The following POLA1 variants were observed in gnomAD, a reference collection of about 807,000 sequenced individuals.
POLA1 encodes DNA polymerase alpha 1, catalytic subunit.
In POLA1, 15 loss-of-function variants were observed where a neutral mutation model predicts 124.0. The ratio of observed to expected loss-of-function variants is 0.12; its 90% CI spans 0.08 to 0.19. The LOEUF (loss-of-function observed/expected upper bound fraction) is 0.19, where lower values mean the gene tolerates loss of function less well. Among genes scored for constraint, POLA1 ranks in the 10% least tolerant of loss-of-function variants. The pLI, the probability that POLA1 is intolerant of heterozygous loss-of-function variation, is 1.00. For synonymous variants in POLA1, 408 were observed against 389.4 expected (o/e 1.05, Z -0.56); for missense variants, 886 against 1,103.4 (o/e 0.80, Z 2.79).
intron 36 of POLA1, among the ~76,000 whole-genome samples, chrX:24,990,288 T>G (rs1411620550): frequency 8.9e-6 from 1 of 112,593 alleles, no homozygotes; most frequent in East Asian, 2.8e-4. Flanking sequence ...CTTTTTAAAG[T>G]GTGGGCAGAA....
rs1287444237 is a variant in POLA1 at position 24,735,466 on chromosome X, A to G, written c.1901A>G (p.Lys634Arg). The G allele has an allele frequency of 1.0e-5, 12 of 1,170,512 alleles. No individual in the cohort carries two copies. Among genetic ancestry groups the G allele is most frequent in the Non-Finnish European group, 1.4e-5 (12 of 859,172 alleles). ...LLGFFLAKVH[K>R]IDPDIIVGHN... ...GGTTTTTTCCTTGCAAAAGTTCACA[A>G]AATTGATCCTGATATCATTGTGGTG... Residue 634 changes from lysine to arginine, a missense_variant, in exon 18 of 37, where the codon AAA becomes AGA. Around this residue, in one of 7 missense-constraint regions of POLA1, gnomAD observed 182 missense variants for 252.8 expected, o/e 0.72. Coordinates refer to ENST00000379068, the MANE Select transcript of POLA1 (RefSeq NM_001330360.2).
intron 30 of POLA1, among the ~76,000 whole-genome samples, chrX:24,819,211 A>G (rs1489791429): frequency 8.9e-6 from 1 of 112,669 alleles, no homozygotes; most frequent in Non-Finnish European, 1.9e-5. Context: ...TTCATTGTAC[A>G]ATATCAAAAA....
In POLA1 at chrX:24,732,413, A is replaced by G. The variant is rs1273703022; in HGVS notation, c.1730A>G (p.Asp577Gly). 1.7e-6 allele frequency: 2 copies of G among 1,199,017 alleles called. No homozygotes were observed. The highest frequency in any genetic ancestry group is 1.1e-6 in the Non-Finnish European group (1 of 884,415). ...AALVHHSFALDKAAPKPPFQS... is the reference protein window; with the variant it reads ...AALVHHSFALGKAAPKPPFQS... ...TTGGTCCATCACAGTTTTGCATTGG[A>G]TAAAGCAGCCCCAAAGCCTCCCTTT... Residue 577 changes from aspartate to glycine, a missense_variant, in exon 16 of 37, where the codon GAT (aspartate) becomes GGT (glycine). Physicochemically the swap from Asp to Gly is moderately conservative, Grantham distance 94. Transcript: ENST00000379068.
intron 36 of POLA1, among the ~76,000 whole-genome samples, chrX:24,933,975 C>CATT (rs2047815149): frequency 8.9e-6 from 1 of 112,040 alleles, no homozygotes; most frequent in Non-Finnish European, 1.9e-5. Flanking sequence ...GGGACTTTGG[C>CATT]ATTATTATTG....
At chrX:24,814,893 T>G in intron 29 of POLA1, 86 bp from the exon 30 acceptor site, 1 of 858,611 alleles carries the variant, frequency 1.2e-6, no homozygotes, top group Non-Finnish European at 1.6e-6. Context: ...TCTAATGGCA[T>G]TTCTCTTCCT....
At chrX:24,772,205 T>A (rs1418141579) in intron 26 of POLA1, among the ~76,000 whole-genome samples, 1 of 111,653 alleles carries the variant, frequency 9.0e-6, no homozygotes, top group Non-Finnish European at 1.9e-5. Context: ...CAATTATAAA[T>A]AAATAGTGCT....
At chrX:24,788,455 C>T (rs1452334948) in intron 26 of POLA1, 13 of 1,198,035 alleles carry the variant, frequency 1.1e-5, no homozygotes, top group Non-Finnish European at 1.5e-5. Flanking sequence ...CAGTGATCTG[C>T]TCCTCCAGCA....
intron 36 of POLA1, among the ~76,000 whole-genome samples, chrX:24,981,192 G>C (rs2048416766): frequency 8.9e-6 from 1 of 112,355 alleles, no homozygotes; most frequent in Non-Finnish European, 1.9e-5. Flanking sequence ...GATTTATCTG[G>C]AGTAACTCTA....
Position 24,704,257 on chromosome X carries a change from T to A in POLA1, c.266-132T>A, listed in dbSNP as rs888845451. Reference sequence around the variant, plus strand: ...TTGTCTGACACCTGTGTGAACAGAATTCTGCTGCACTTAAAAATAGCACAG... The same window carrying A: ...TTGTCTGACACCTGTGTGAACAGAAATCTGCTGCACTTAAAAATAGCACAG... On this transcript the variant is annotated intron_variant, in intron 3 of 36. Coordinates refer to ENST00000379068, the MANE Select transcript of POLA1 (RefSeq NM_001330360.2). The A allele has an allele frequency of 5.0e-5, 25 of 501,948 alleles. No homozygotes were observed. The Admixed American group carries it at 6.1e-4, about 12-fold the overall frequency. The allele number at this position is 501,948 out of a possible 1,213,427, so 41.4% of individuals were successfully genotyped here.
chrX:24,952,022 G>A (rs1346660360), intron 36 of POLA1, among the ~76,000 whole-genome samples: 1 of 111,709 alleles, frequency 9.0e-6, no homozygotes, highest in Non-Finnish European at 1.9e-5. Context: ...GAGTTAGGGG[G>A]TATCATTTAT....
chrX:24,812,292 A>G (rs1359881345), intron 28 of POLA1, among the ~76,000 whole-genome samples: 1 of 112,334 alleles, frequency 8.9e-6, no homozygotes, highest in East Asian at 2.8e-4. Context: ...TCTATTCACT[A>G]ACTAACTGAA....
At position 24,889,449 on chromosome X, in the gene POLA1, G is replaced by A. The variant is rs186380129; in HGVS notation, c.4164+1327G>A. ...AACAAGTTTATTGCAGATCTTTTCAGAACCTATAATATGATAATGTGCAAT... is the reference window on the plus strand; with the variant it reads ...AACAAGTTTATTGCAGATCTTTTCAAAACCTATAATATGATAATGTGCAAT... On this transcript the variant is annotated intron_variant, in intron 35 of 36. Transcript: ENST00000379068. Among the ~76,000 whole-genome samples, 169 of 112,254 alleles carry A rather than the reference G, an allele frequency of 1.5e-3. 1 individual carries two copies. The highest frequency in any genetic ancestry group is 2.8e-3 in the Non-Finnish European group (147 of 53,307).
chrX:24,702,836 C>T (rs761966702), intron 2 of POLA1, among the ~76,000 whole-genome samples: 2 of 112,301 alleles, frequency 1.8e-5, no homozygotes, highest in South Asian at 3.7e-4. Context: ...ATTTGCAGAG[C>T]GTACATCAGC....
chrX:24,959,968 G>A (rs1396077315), intron 36 of POLA1, among the ~76,000 whole-genome samples: 1 of 111,599 alleles, frequency 9.0e-6, no homozygotes, highest in Non-Finnish European at 1.9e-5. Flanking sequence ...TTATCTTGCT[G>A]AAAAACAAAG....
intron 34 of POLA1, among the ~76,000 whole-genome samples, chrX:24,875,254 T>C (rs965937835): frequency 1.8e-5 from 2 of 111,657 alleles, no homozygotes; most frequent in African/African-American, 6.5e-5. Context: ...AAAATATTTA[T>C]ATGTAAGGGT....
intron 1 of POLA1, 29 bp from the exon 2 acceptor site, chrX:24,699,396 T>G (rs1168781442): frequency 8.9e-7 from 1 of 1,125,880 alleles, no homozygotes; most frequent in African/African-American, 1.8e-5. Flanking sequence ...TTTTGTAACA[T>G]CTGTTGTAAA....
At chrX:24,857,117 G>C (rs1210263205) in intron 34 of POLA1, among the ~76,000 whole-genome samples, 2 of 111,919 alleles carry the variant, frequency 1.8e-5, no homozygotes, top group Non-Finnish European at 3.8e-5. Context: ...AGTTAGGGCA[G>C]AGTTCAATTT....
At chrX:24,752,770 G>A (rs1377568333) in intron 26 of POLA1, among the ~76,000 whole-genome samples, 5 of 111,642 alleles carry the variant, frequency 4.5e-5, no homozygotes, top group South Asian at 3.7e-4. Flanking sequence ...TAATACTCTA[G>A]TGTTTAAAAT....
intron 10 of POLA1, among the ~76,000 whole-genome samples, chrX:24,722,466 T>C (rs1024802086): frequency 5.3e-5 from 6 of 112,157 alleles, no homozygotes; most frequent in African/African-American, 1.9e-4. Context: ...AAAGGTGAAA[T>C]AGAAGATAAT....
Sources: gnomAD v4.1 joint callset for allele counts (sites outside exome capture counted in the v4.1 genomes callset) on GRCh38, gnomAD v4.1.1 for gene constraint, gnomAD v4.1.1 regional missense constraint, MANE v1.5 for transcripts, NCBI Gene and HGNC (gene_info 2026-07-23, HGNC 2026-07-21) for gene names.